Variants in ODF2L observed in about 807,000 individuals in gnomAD.
ODF2L encodes the protein protein BCAP.
Under a neutral mutation model 86.3 loss-of-function variants are expected in ODF2L, and 76 were observed. The observed-to-expected ratio is 0.88, with a 90% CI of 0.73 to 1.07. ODF2L has a LOEUF of 1.07. Among genes scored for constraint, ODF2L ranks in the 50% least tolerant of loss-of-function variants. The pLI is 0.00. For synonymous variants in ODF2L, 241 were observed against 231.3 expected, an observed-to-expected ratio of 1.04 and a Z score of -0.38; for missense variants, 748 against 717.4, an observed-to-expected ratio of 1.04 and a Z score of -0.49.
chr1:86,379,938 G>A (rs1056943878), intron 7 of ODF2L, among the ~76,000 whole-genome samples: 1 of 152,164 alleles, frequency 6.6e-6, no homozygotes, highest in Admixed American at 6.5e-5. Context: ...CTGGGTAGAT[G>A]AGGGATGTGA....
chr1:86,374,737 C>T (rs892206239), intron 8 of ODF2L, among the ~76,000 whole-genome samples: 1 of 152,180 alleles, frequency 6.6e-6, no homozygotes, highest in African/African-American at 2.4e-5. Flanking sequence ...TAGTGACCTT[C>T]TAATTACCAA....
At chr1:86,395,446 C>CTCT (rs976402737) in intron 1 of ODF2L, among the ~76,000 whole-genome samples, 1 of 152,232 alleles carries the variant, frequency 6.6e-6, no homozygotes, top group Admixed American at 6.5e-5. Context: ...GTTCAGTGAC[C>CTCT]TAGACAAGGC....
intron 4 of ODF2L, among the ~76,000 whole-genome samples, chr1:86,383,699 T>C (rs527338736): frequency 4.0e-5 from 6 of 151,888 alleles, no homozygotes; most frequent in African/African-American, 1.4e-4. Context: ...ATCAATTCTT[T>C]TCACCCAAAA....
chr1:86,394,648 G>T (rs1661582573), intron 1 of ODF2L, among the ~76,000 whole-genome samples: 2 of 152,128 alleles, frequency 1.3e-5, no homozygotes, highest in East Asian at 1.9e-4. Flanking sequence ...AAATTCCATT[G>T]TTCTAAAGTT....
intron 1 of ODF2L, among the ~76,000 whole-genome samples, chr1:86,395,217 C>T (rs1447940286): frequency 5.9e-5 from 9 of 152,194 alleles, no homozygotes; most frequent in African/African-American, 1.9e-4. Context: ...ACACTTGAAA[C>T]CGTACTATGC....
intron 16 of ODF2L, among the ~76,000 whole-genome samples, chr1:86,353,486 T>G (rs1196909091): frequency 6.6e-6 from 1 of 152,162 alleles, no homozygotes. Context: ...AATTTGAATT[T>G]TCATATTTCT....
exon 10 of ODF2L, chr1:86,371,026 T>G: frequency 6.4e-7 from 1 of 1,568,364 alleles, no homozygotes; most frequent in South Asian, 1.2e-5. Context: ...ACCTTTAATT[T>G]TGTATTCTCA....
chr1:86,382,046 C>T, intron 7 of ODF2L, 196 bp downstream of exon 7: 1 of 612,800 alleles, frequency 1.6e-6, no homozygotes, highest in South Asian at 6.7e-5. Flanking sequence ...TAAACAGAGA[C>T]AGCATTTTTA....
At chr1:86,386,548 G>C (rs1660966143) in intron 2 of ODF2L, 1 of 170,846 alleles carries the variant, frequency 5.9e-6, no homozygotes, top group Admixed American at 6.3e-5. Context: ...ACCACATCTG[G>C]CTAATTTTTG....
chr1:86,362,909 T>C (rs895868260), intron 11 of ODF2L, among the ~76,000 whole-genome samples: 3 of 152,138 alleles, frequency 2.0e-5, no homozygotes, highest in Non-Finnish European at 2.9e-5. Context: ...CCTCCCACCT[T>C]GGCCTCCCAA....
intron 9 of ODF2L, among the ~76,000 whole-genome samples, chr1:86,371,727 A>G (rs1659798223): frequency 6.6e-6 from 1 of 151,894 alleles, no homozygotes; most frequent in Non-Finnish European, 1.5e-5. Context: ...AGGAACAATC[A>G]TTTTTACGAT....
chr1:86,352,265 C>A (rs118019968), intron 17 of ODF2L: 159 of 1,412,062 alleles, frequency 1.1e-4, no homozygotes, highest in Non-Finnish European at 1.4e-4. Flanking sequence ...ACAGTTATTA[C>A]GTAATTTAAT....
intron 8 of ODF2L, among the ~76,000 whole-genome samples, chr1:86,375,847 C>G (rs2101096056): frequency 6.6e-6 from 1 of 152,272 alleles, no homozygotes; most frequent in Non-Finnish European, 1.5e-5. Flanking sequence ...TAGTTCAATA[C>G]CCTTCATTCC....
chr1:86,387,956 T>C (rs535912664), intron 1 of ODF2L, among the ~76,000 whole-genome samples: 101 of 152,104 alleles, frequency 6.6e-4, no homozygotes, highest in African/African-American at 2.4e-3. Context: ...ACACTTAGAG[T>C]AGAAGTGAAA....
chr1:86,357,008 T>A lies in ODF2L; in HGVS notation c.1360-406A>T, dbSNP rs923466385. On this transcript the variant is annotated intron_variant, in intron 13 of 17. Coordinates refer to ENST00000317336, the Ensembl canonical transcript of ODF2L. ...TAGTCATTCAATCTTATAACTCAGA[T>A]ACTTACTTAAATTAGAGCAGCTTGC... Among the ~76,000 whole-genome samples the A allele has an allele frequency of 1.2e-3, 189 of 152,332 alleles. 1 individual carries two copies. Among genetic ancestry groups the A allele is most frequent in the African/African-American group, 4.2e-3 (174 of 41,570 alleles).
At chr1:86,356,012 T>C (rs917269408) in intron 14 of ODF2L, 5 of 247,180 alleles carry the variant, frequency 2.0e-5, no homozygotes, top group African/African-American at 9.4e-5. Context: ...CATATTCTGA[T>C]GGTATAAAAA....
intron 1 of ODF2L, among the ~76,000 whole-genome samples, chr1:86,390,937 A>C (rs1054826924): frequency 6.6e-6 from 1 of 152,146 alleles, no homozygotes; most frequent in Non-Finnish European, 1.5e-5. Context: ...GAGAATCCTA[A>C]AGACTCCTCC....
At chr1:86,372,569 A>G in intron 8 of ODF2L, 29 bp from the exon 9 acceptor site, 3 of 1,186,642 alleles carry the variant, frequency 2.5e-6, no homozygotes, top group Non-Finnish European at 2.3e-6. Flanking sequence ...TATTCATACT[A>G]TAATTTTAAA....
At chr1:86,358,561 C>G (rs942767084) in intron 13 of ODF2L, 1 of 221,902 alleles carries the variant, frequency 4.5e-6, no homozygotes, top group African/African-American at 2.3e-5. Flanking sequence ...AACATTTATG[C>G]TATTTTCCAA....
Sources: allele counts gnomAD v4.1 joint callset (sites outside exome capture counted in the v4.1 genomes callset), GRCh38; gene constraint gnomAD v4.1.1; transcripts MANE v1.5; gene names NCBI Gene and HGNC (gene_info 2026-07-23, HGNC 2026-07-21).